Variants in UGT1A10 observed in about 807,000 individuals in gnomAD.
The protein encoded by UGT1A10 is UDP glucuronosyltransferase family 1 member A10.
A neutral mutation model predicts 45.8 loss-of-function variants in UGT1A10; 49 were observed. The ratio of observed to expected loss-of-function variants is 1.07; its 90% CI spans 0.85 to 1.36. The LOEUF is 1.36. Among genes scored for constraint, UGT1A10 ranks in the 40% most tolerant of loss-of-function variants. The probability of loss-of-function intolerance (pLI) is 0.00; values close to 1 mark genes in which losing one functional copy is unlikely to be tolerated. For missense variants in UGT1A10, 745 were observed against 668.6 expected, an observed-to-expected ratio of 1.11 and a Z score of -1.26; for synonymous variants, 284 against 249.7, an observed-to-expected ratio of 1.14 and a Z score of -1.29.
chr2:233,697,616 G>A (rs1238627433), intron 1 of UGT1A10, among the ~76,000 whole-genome samples: 1 of 149,658 alleles, frequency 6.7e-6, no homozygotes, highest in African/African-American at 2.5e-5. Context: ...TACAAAGTTT[G>A]AGTTTGGTTT....
chr2:233,672,846 G>T, intron 1 of UGT1A10: 3 of 1,546,390 alleles, frequency 1.9e-6, no homozygotes, highest in South Asian at 1.3e-5. Flanking sequence ...AATTAAAAAA[G>T]GATTCTTTAC....
rs28900404 is a variant in UGT1A10, at chr2:233,769,354, G to A, written c.1295+915G>A. ...TTATTAGAACCTTATGGGAAGAAGT[G>A]GTGGCCAGTGGTAGATTTCATCCGA... On this transcript the variant is annotated intron_variant, in intron 4 of 4. Transcript: ENST00000344644. This position sits in a 1 kb window ranked among gnomAD's most constrained non-coding sequence, Gnocchi z 4.4. Among the ~76,000 whole-genome samples the A allele has an allele frequency of 7.2e-4, 110 of 152,348 alleles. No individual in the cohort carries two copies. The highest frequency in any genetic ancestry group is 2.6e-3 in the African/African-American group (108 of 41,580).
intron 1 of UGT1A10, among the ~76,000 whole-genome samples, chr2:233,763,269 T>C (rs934722016): frequency 6.6e-6 from 1 of 152,266 alleles, no homozygotes; most frequent in Non-Finnish European, 1.5e-5. Context: ...TCTTGTTGCA[T>C]GTTTTAATCT....
At chr2:233,760,837 A>G in intron 1 of UGT1A10, 2 of 1,613,782 alleles carry the variant, frequency 1.2e-6, no homozygotes, top group Non-Finnish European at 1.7e-6. Flanking sequence ...ATTTGAGGCT[A>G]CCCAGTGCCC....
chr2:233,675,703 G>T (rs2074331659), intron 1 of UGT1A10, among the ~76,000 whole-genome samples: 1 of 152,092 alleles, frequency 6.6e-6, no homozygotes, highest in Non-Finnish European at 1.5e-5. Flanking sequence ...CCATTCTTAG[G>T]TTAAATAATT....
chr2:233,638,582 T>C (rs906574155), intron 1 of UGT1A10, among the ~76,000 whole-genome samples: 1 of 152,200 alleles, frequency 6.6e-6, no homozygotes, highest in African/African-American at 2.4e-5. Context: ...GAAAAATCCT[T>C]GAAAAATACC....
At chr2:233,695,097 G>GT (rs948360141) in intron 1 of UGT1A10, among the ~76,000 whole-genome samples, 12 of 148,828 alleles carry the variant, frequency 8.1e-5, no homozygotes, top group Admixed American at 7.3e-4. Flanking sequence ...ATCTAATGGT[G>GT]TTTTTGTGCC....
chr2:233,749,921 T>C (rs1694306476), intron 1 of UGT1A10, among the ~76,000 whole-genome samples: 1 of 151,948 alleles, frequency 6.6e-6, no homozygotes. Flanking sequence ...TGTGAGTCAA[T>C]TAAAGCTCTT....
At chr2:233,726,997 A>G (rs1314569583) in intron 1 of UGT1A10, among the ~76,000 whole-genome samples, 1 of 152,156 alleles carries the variant, frequency 6.6e-6, no homozygotes, top group Non-Finnish European at 1.5e-5. Context: ...TCTTTCTAGC[A>G]AAGTTTTATC....
chr2:233,742,956 T>C, intron 1 of UGT1A10: 1 of 217,074 alleles, frequency 4.6e-6, no homozygotes, highest in Non-Finnish European at 9.3e-6. Context: ...CAAATAATCA[T>C]TGTCTGCCTC....
At chr2:233,711,177 G>A (rs141849516) in intron 1 of UGT1A10, among the ~76,000 whole-genome samples, 37 of 152,320 alleles carry the variant, frequency 2.4e-4, no homozygotes, top group African/African-American at 3.4e-4. Flanking sequence ...CCAGGAATAT[G>A]AGCTACTCCC....
chr2:233,770,903 T>C (rs35203651), intron 4 of UGT1A10: 14,100 of 152,250 alleles, frequency 0.093, 767 homozygotes, highest in South Asian at 0.16. Flanking sequence ...CTGCAGGCTG[T>C]ACAGGAAGCT....
In UGT1A10 at chr2:233,772,670, A is replaced by T; in HGVS notation, c.*111A>T. 1 of 1,536,688 alleles carries T rather than the reference A, an allele frequency of 6.5e-7. No homozygotes were observed. Among genetic ancestry groups the T allele is most frequent in the Admixed American group, 2.0e-5 (1 of 50,138 alleles). ...TATTCTTATTAAGGAAATACTTTGC[A>T]TAAATTAATCAGCCCCAGAGTGCTT... On this transcript the variant is annotated 3_prime_UTR_variant, in exon 5 of 5. Transcript: ENST00000344644.
intron 1 of UGT1A10, among the ~76,000 whole-genome samples, chr2:233,638,952 C>T (rs970603415): frequency 2.6e-5 from 4 of 152,216 alleles, no homozygotes; most frequent in East Asian, 1.9e-4. Context: ...CTTTTCTCCT[C>T]GTTATCCTCC....
chr2:233,754,686 T>C, intron 1 of UGT1A10: 1 of 484,820 alleles, frequency 2.1e-6, no homozygotes, highest in Non-Finnish European at 4.0e-6. Flanking sequence ...ATCAACTATT[T>C]CAGTGGAAGT....
At chr2:233,713,959 G>T in intron 1 of UGT1A10, 2 of 1,607,338 alleles carry the variant, frequency 1.2e-6, no homozygotes, top group South Asian at 2.2e-5. Flanking sequence ...TCTTTCCAAA[G>T]ATTTCATTTC....
At chr2:233,690,978 C>T in intron 1 of UGT1A10, 7 of 999,584 alleles carry the variant, frequency 7.0e-6, no homozygotes, top group Non-Finnish European at 7.1e-6. Flanking sequence ...AGAACAGGAC[C>T]CACATATGAG....
chr2:233,748,176 TG>T, intron 1 of UGT1A10: 1 of 1,583,506 alleles, frequency 6.3e-7, no homozygotes, highest in East Asian at 2.2e-5. Flanking sequence ...CTTATCTTTC[TG>T]GTGCTTTTAT....
At position 233,690,380 on chromosome 2, in the gene UGT1A10, C is replaced by T. The variant is rs188057547; in HGVS notation, c.855+53003C>T. 2.1e-4 allele frequency: 211 copies of T among 988,552 alleles called. 1 individual carries two copies. The African/African-American group carries it at 2.4e-3, about 11-fold the overall frequency. The allele number at this position is 988,552 out of a possible 1,614,324, so 61.2% of individuals were successfully genotyped here. On this transcript the variant is annotated intron_variant, in intron 1 of 4. Transcript: ENST00000344644. ...GAAGCAAACCTCTCCATAGGGTCCA[C>T]GTTTCCAGACCTTCCTATTCCCAAC... is the stretch of plus-strand genomic sequence containing the variant.
Sources: allele counts gnomAD v4.1 joint callset (sites outside exome capture counted in the v4.1 genomes callset), GRCh38; gene constraint gnomAD v4.1.1; non-coding constraint Gnocchi (gnomAD v3.1); transcripts MANE v1.5; gene names NCBI Gene and HGNC (gene_info 2026-07-23, HGNC 2026-07-21).